The following UNC79 variants were observed in gnomAD, a reference collection of about 807,000 sequenced individuals.
The protein encoded by UNC79 is protein unc-79 homolog.
A neutral mutation model predicts 283.1 loss-of-function variants in UNC79; 37 were observed. The observed-to-expected ratio is 0.13, with a 90% CI of 0.10 to 0.17. The LOEUF is 0.17. Ranked by LOEUF, UNC79 falls within the 10% of genes least tolerant of loss-of-function variation. The pLI is 1.00. For missense variants in UNC79, 2,272 were observed against 3,211.1 expected, an observed-to-expected ratio of 0.71 and a Z score of 7.07; for synonymous variants, 1,107 against 1,200.2, an observed-to-expected ratio of 0.92 and a Z score of 1.61.
At chr14:93,487,695 C>T (rs1449317125) in exon 5 of UNC79, 1 of 1,613,798 alleles carries the variant, frequency 6.2e-7, no homozygotes, top group Non-Finnish European at 8.5e-7. Flanking sequence ...TGTACCTGCC[C>T]ATGTTAACCT....
chr14:93,595,817 A>G (rs915128877), intron 23 of UNC79, among the ~76,000 whole-genome samples: 8 of 152,138 alleles, frequency 5.3e-5, no homozygotes, highest in African/African-American at 1.9e-4. Flanking sequence ...TGTCTTATCT[A>G]TTTTAGTCAA....
chr14:93,542,523 G>A, exon 14 of UNC79: 1 of 1,614,218 alleles, frequency 6.2e-7, no homozygotes, highest in East Asian at 2.2e-5. Context: ...CCGGCTGGTG[G>A]CCATGGTGTT....
At chr14:93,436,601 A>T (rs914502271) in intron 1 of UNC79, among the ~76,000 whole-genome samples, 2 of 152,110 alleles carry the variant, frequency 1.3e-5, no homozygotes, top group African/African-American at 4.8e-5. Flanking sequence ...ATAAGCTTTA[A>T]GTTGGGATTC....
intron 1 of UNC79, among the ~76,000 whole-genome samples, chr14:93,400,946 T>C (rs1030866478): frequency 2.6e-5 from 4 of 152,108 alleles, no homozygotes; most frequent in African/African-American, 9.7e-5. Context: ...TAAGACAACA[T>C]TGAGAATTCA....
At chr14:93,678,424 C>T (rs1400551302) in intron 41 of UNC79, among the ~76,000 whole-genome samples, 1 of 152,230 alleles carries the variant, frequency 6.6e-6, no homozygotes, top group East Asian at 1.9e-4. Flanking sequence ...GATATTTCCT[C>T]TACTACTTTT....
chr14:93,485,077 G>C (rs1433058444), intron 4 of UNC79, among the ~76,000 whole-genome samples: 1 of 151,958 alleles, frequency 6.6e-6, no homozygotes, highest in Non-Finnish European at 1.5e-5. Flanking sequence ...TTCCTTAATA[G>C]CAGTTTTCAT....
At chr14:93,517,110 C>G (rs1595719995) in intron 7 of UNC79, among the ~76,000 whole-genome samples, 2 of 151,762 alleles carry the variant, frequency 1.3e-5, no homozygotes, top group East Asian at 3.9e-4. Context: ...TGATTATGCT[C>G]TCTGCAAATA....
At chr14:93,429,123 AATAACCC>A (rs1485783300), upstream of UNC79, among the ~76,000 whole-genome samples, 2 of 152,252 alleles carry the variant, frequency 1.3e-5, no homozygotes, top group Non-Finnish European at 2.9e-5. Context: ...GAATTTTCTG[AATAACCC>A]ATTGAGCTTT....
chr14:93,461,972 A>AG, intron 1 of UNC79, among the ~76,000 whole-genome samples: 1 of 145,876 alleles, frequency 6.9e-6, no homozygotes, highest in African/African-American at 2.5e-5. Flanking sequence ...CAAAAAAAAA[A>AG]AAAGAAAGAA....
intron 4 of UNC79, among the ~76,000 whole-genome samples, chr14:93,482,878 G>C (rs1356459290): frequency 6.6e-6 from 1 of 152,070 alleles, no homozygotes; most frequent in Non-Finnish European, 1.5e-5. Flanking sequence ...AAACCGTCTA[G>C]CTTCCCGTTA....
At chr14:93,496,652 T>A (rs536308440) in intron 6 of UNC79, among the ~76,000 whole-genome samples, 186 bp downstream of exon 6, 1 of 152,336 alleles carries the variant, frequency 6.6e-6, no homozygotes, top group East Asian at 1.9e-4. Flanking sequence ...AAATGGTACT[T>A]TAAGAACATC....
Position 93,344,156 on chromosome 14 carries a change from C to T in UNC79, c.-351+10633C>T, listed in dbSNP as rs545787358. 1.1e-3 allele frequency among the ~76,000 whole-genome samples: 167 copies of T among 152,290 alleles called. 1 individual carries two copies. Among genetic ancestry groups the T allele is most frequent in the Admixed American group, 2.9e-3 (45 of 15,298 alleles). ...TTAAATCTCACTTGAATTGCACTCT[C>T]TTCTAAACTTCTCAAGATTAGGATT... On this transcript the variant is annotated intron_variant, in intron 1 of 49. Transcript: ENST00000256339.
chr14:93,498,329 C>A (rs1051129834), intron 7 of UNC79, among the ~76,000 whole-genome samples: 24 of 151,760 alleles, frequency 1.6e-4, no homozygotes, highest in African/African-American at 5.8e-4. Context: ...TGGCTCACAC[C>A]TGTAATCCCA....
intron 14 of UNC79, among the ~76,000 whole-genome samples, chr14:93,558,813 C>G (rs149070026): frequency 7.7e-4 from 117 of 151,936 alleles, no homozygotes; most frequent in African/African-American, 2.7e-3. Flanking sequence ...GGAGGCCAAG[C>G]TGCGTTATAA....
intron 26 of UNC79, among the ~76,000 whole-genome samples, chr14:93,605,456 G>A (rs183229059): frequency 1.4e-3 from 210 of 152,214 alleles, no homozygotes; most frequent in Non-Finnish European, 1.8e-3. Flanking sequence ...CTGTTTGGAG[G>A]ACCATAGCAT....
At chr14:93,600,892 C>A in intron 25 of UNC79, 122 bp downstream of exon 25, 2 of 1,009,170 alleles carry the variant, frequency 2.0e-6, no homozygotes, top group Non-Finnish European at 2.9e-6. Context: ...CTCATGCACT[C>A]AATTCATTAA....
At chr14:93,675,275 G>A (rs944211206) in intron 41 of UNC79, among the ~76,000 whole-genome samples, 1 of 152,180 alleles carries the variant, frequency 6.6e-6, no homozygotes, top group African/African-American at 2.4e-5. Flanking sequence ...TCTAGACAGT[G>A]TATAAAACAC....
At chr14:93,347,508 T>C in intron 1 of UNC79, 1 of 1,237,816 alleles carries the variant, frequency 8.1e-7, no homozygotes. Context: ...GGGAGGCTCT[T>C]GTGGCTTGGT....
rs967906106 is a variant in UNC79 at position 93,617,988 on chromosome 14, C to T, written c.4225-204C>T. On this transcript the variant is annotated intron_variant, in intron 28 of 48. Transcript: ENST00000555664. The surrounding 1 kb of genome is among the most constrained non-coding windows in gnomAD (Gnocchi z 4.5). ...GCTGCTATGATCACGCCACAGCACT[C>T]CAACCTGGGTGACAGAGTGAGACCC... Among the ~76,000 whole-genome samples, 1 of 152,146 alleles carries T rather than the reference C, an allele frequency of 6.6e-6. No individual in the cohort carries two copies. Among genetic ancestry groups the T allele is most frequent in the Non-Finnish European group, 1.5e-5 (1 of 68,030 alleles).
Sources: allele counts gnomAD v4.1 joint callset (sites outside exome capture counted in the v4.1 genomes callset), GRCh38; gene constraint gnomAD v4.1.1; non-coding constraint Gnocchi (gnomAD v3.1); transcripts MANE v1.5; gene names NCBI Gene and HGNC (gene_info 2026-07-23, HGNC 2026-07-21).